The following RNF138 variants were observed in gnomAD, a reference collection of about 807,000 sequenced individuals.
RNF138 encodes ring finger protein 138, also known as E3 ubiquitin-protein ligase RNF138.
In RNF138, 12 loss-of-function variants were observed where a neutral mutation model predicts 31.0. The ratio of observed to expected loss-of-function variants is 0.39; its 90% confidence interval spans 0.25 to 0.63. The LOEUF is 0.63. Ranked by LOEUF, RNF138 falls within the 20% of genes least tolerant of loss-of-function variation. The pLI is 0.52. For missense variants in RNF138, 192 were observed against 300.1 expected, an observed-to-expected ratio of 0.64 and a Z score of 2.66; for synonymous variants, 105 against 99.5, an observed-to-expected ratio of 1.06 and a Z score of -0.33.
At chr18:32,127,451 C>CA (rs1490095675) in intron 7 of RNF138, among the ~76,000 whole-genome samples, 3 of 152,150 alleles carry the variant, frequency 2.0e-5, no homozygotes, top group Admixed American at 2.0e-4. Context: ...TTAGTCCTGA[C>CA]AAAGAATGGC....
At chr18:32,103,753 G>A (rs1328099056) in intron 2 of RNF138, among the ~76,000 whole-genome samples, 5 of 152,026 alleles carry the variant, frequency 3.3e-5, no homozygotes, top group Non-Finnish European at 7.4e-5. Context: ...CACGAGGTCA[G>A]GAGATCGAGA....
intron 2 of RNF138, among the ~76,000 whole-genome samples, chr18:32,102,205 T>A (rs2039954510): frequency 7.5e-6 from 1 of 134,090 alleles, no homozygotes; most frequent in African/African-American, 2.9e-5. Context: ...CTTTTTTTTT[T>A]TTTTTTTTTT....
chr18:32,128,064 T>TCTC (rs1350415100), intron 7 of RNF138, among the ~76,000 whole-genome samples: 26 of 144,524 alleles, frequency 1.8e-4, no homozygotes, highest in African/African-American at 6.7e-4. Context: ...TGGGTGACAG[T>TCTC]GCGAGACTCC....
chr18:32,118,701 C>T (rs568043469), intron 4 of RNF138, among the ~76,000 whole-genome samples: 10 of 151,878 alleles, frequency 6.6e-5, no homozygotes, highest in South Asian at 6.2e-4. Flanking sequence ...TGGTGGTGCG[C>T]GCCTGTAATC....
intron 2 of RNF138, among the ~76,000 whole-genome samples, chr18:32,093,143 G>GCTCTCCCT (rs1273183200): frequency 2.1e-5 from 3 of 144,734 alleles, no homozygotes; most frequent in Non-Finnish European, 3.1e-5. Flanking sequence ...CCGCTCTCCC[G>GCTCTCCCT]CTCTCCCTGG....
At chr18:32,103,391 CTA>C (rs1377092009) in intron 2 of RNF138, among the ~76,000 whole-genome samples, 1 of 151,948 alleles carries the variant, frequency 6.6e-6, no homozygotes, top group African/African-American at 2.4e-5. Context: ...GGAAATCTCA[CTA>C]TGTTGCCCAG....
chr18:32,124,952 G>C, intron 6 of RNF138, 107 bp downstream of exon 6: 1 of 630,994 alleles, frequency 1.6e-6, no homozygotes. Context: ...ATTTGGTTGG[G>C]GCATTATCAG....
chr18:32,115,492 C>A (rs376076560), intron 4 of RNF138, among the ~76,000 whole-genome samples: 1 of 152,174 alleles, frequency 6.6e-6, no homozygotes, highest in Non-Finnish European at 1.5e-5. Context: ...CACCTGTAAT[C>A]CCAGCATTTT....
chr18:32,106,523 A>C (rs138213559), intron 2 of RNF138, among the ~76,000 whole-genome samples: 1,955 of 151,922 alleles, frequency 0.013, 148 homozygotes, highest in Admixed American at 0.12. Flanking sequence ...AGATACTAGA[A>C]GTTGAAAAAT....
chr18:32,110,167 A>G (rs544363097), intron 2 of RNF138, among the ~76,000 whole-genome samples: 1 of 151,722 alleles, frequency 6.6e-6, no homozygotes, highest in Admixed American at 6.6e-5. Context: ...TTTTATTTTT[A>G]ATTTTTGTAG....
At position 32,117,565 on chromosome 18, in the gene RNF138, C is replaced by T. The variant is rs550692696; in HGVS notation, c.392+3705C>T. On this transcript the variant is annotated intron_variant, in intron 4 of 7. Transcript: ENST00000261593. Reference sequence around the variant, plus strand: ...TCACTAATTCATACTGTTTATTATACGTTCTGAAGTGCTGGACACACTCCA... The same window carrying T: ...TCACTAATTCATACTGTTTATTATATGTTCTGAAGTGCTGGACACACTCCA... Among the ~76,000 whole-genome samples the T allele has an allele frequency of 3.9e-5, 6 of 152,232 alleles. No individual in the cohort carries two copies. In the South Asian group the frequency reaches 6.2e-4, roughly 16 times the overall value.
At chr18:32,118,017 G>T (rs2040244482) in intron 4 of RNF138, among the ~76,000 whole-genome samples, 1 of 152,066 alleles carries the variant, frequency 6.6e-6, no homozygotes, top group East Asian at 1.9e-4. Flanking sequence ...TCTTGACTCT[G>T]TAAACGTTAG....
At chr18:32,107,936 G>A (rs2040063606) in intron 2 of RNF138, among the ~76,000 whole-genome samples, 1 of 151,634 alleles carries the variant, frequency 6.6e-6, no homozygotes, top group South Asian at 2.1e-4. Flanking sequence ...CTCACTGCAA[G>A]CTCCACCTCC....
At chr18:32,121,782 G>A (rs1041003963) in intron 4 of RNF138, among the ~76,000 whole-genome samples, 1 of 152,094 alleles carries the variant, frequency 6.6e-6, no homozygotes, top group African/African-American at 2.4e-5. Flanking sequence ...CTTAATAAGT[G>A]CACTCTCCAT....
chr18:32,121,826 T>C (rs996854863), intron 4 of RNF138, among the ~76,000 whole-genome samples: 6 of 152,206 alleles, frequency 3.9e-5, no homozygotes, highest in African/African-American at 1.4e-4. Flanking sequence ...AGGTTTTTAG[T>C]TCCAGAAAGG....
intron 3 of RNF138, 24 bp downstream of exon 3, chr18:32,111,943 T>G: frequency 3.2e-6 from 5 of 1,551,228 alleles, no homozygotes; most frequent in Admixed American, 4.3e-5. Context: ...GACATCTCTC[T>G]TCTTTGGAAG....
rs1224681344 is a variant in RNF138, at chr18:32,111,934, AC to A, written c.276+16del. 1.3e-6 allele frequency: 2 copies of A among 1,566,306 alleles called. No homozygotes were observed. Among genetic ancestry groups the A allele is most frequent in the Non-Finnish European group, 8.6e-7 (1 of 1,156,942 alleles). ...GTGCAAAACAGGTAGAGTAAATGTG[AC>A]ATCTCTCTTCTTTGGAAGCCAAGTT... On this transcript the variant is annotated intron_variant, in intron 3 of 7. Transcript: ENST00000261593.
intron 2 of RNF138, among the ~76,000 whole-genome samples, chr18:32,099,963 C>G (rs2039893039): frequency 6.6e-6 from 1 of 152,188 alleles, no homozygotes; most frequent in African/African-American, 2.4e-5. Context: ...AGAATAATTG[C>G]AGCTCTAGTG....
chr18:32,117,053 C>T (rs1020536269), intron 4 of RNF138, among the ~76,000 whole-genome samples: 3 of 151,868 alleles, frequency 2.0e-5, no homozygotes, highest in African/African-American at 7.3e-5. Context: ...AGGTGCCCAC[C>T]ACCACGCCCA....
Sources: allele counts gnomAD v4.1 joint callset (sites outside exome capture counted in the v4.1 genomes callset), GRCh38; gene constraint gnomAD v4.1.1; transcripts MANE v1.5; gene names NCBI Gene and HGNC (gene_info 2026-07-23, HGNC 2026-07-21).